ITGB6: variants seen among roughly 807,000 people sequenced by gnomAD.
ITGB6 encodes integrin subunit beta 6.
In ITGB6, 80 loss-of-function variants were observed where a neutral mutation model predicts 84.5. That is an observed-to-expected ratio of 0.95 (90% CI 0.79 to 1.14). The LOEUF is 1.14. ITGB6 is among the 50% of genes most tolerant of loss of function. The probability of loss-of-function intolerance (pLI) is 0.00; values close to 1 mark genes in which losing one functional copy is unlikely to be tolerated. For synonymous variants in ITGB6, 383 were observed against 354.9 expected (o/e 1.08, Z -0.89); for missense variants, 1,006 against 968.0 (o/e 1.04, Z -0.52).
At position 160,196,247 on chromosome 2, in the gene ITGB6, C is replaced by G; in HGVS notation, c.315G>C (p.Ala105=). 6.2e-7 allele frequency: 1 copy of G among 1,613,930 alleles called. No individual in the cohort carries two copies. The highest frequency in any genetic ancestry group is 8.5e-7 in the Non-Finnish European group (1 of 1,179,930). ...TCAACTTAAGGATCAAGCTTTGAGG[C>G]GCAATCTGAACAATGTCAGAACTAT... ...QKNSSDIVQI[A]PQSLILKLRP... is the part of the protein sequence containing the mutation. Residue 105 remains alanine, a synonymous_variant, in exon 3 of 15, where the codon GCG becomes GCC. Transcript: ENST00000283249.
rs1696692069 is a variant in ITGB6 at position 160,100,912 on chromosome 2, A to G, written c.*824T>C. On this transcript the variant is annotated 3_prime_UTR_variant, in exon 15 of 15. Transcript: ENST00000283249. ...TTTTTTAAAAAGAAACTTTGGTATG[A>G]CAATTACAGGGTTTAAAAGACTGTG... 6.6e-6 allele frequency: 1 copy of G among 152,208 alleles called. No homozygotes were observed. The highest frequency in any genetic ancestry group is 1.5e-5 in the Non-Finnish European group (1 of 68,022). The allele number at this position is 152,208 out of a possible 1,614,324, so 9.4% of individuals were successfully genotyped here.
chr2:160,174,565 C>CT (rs59803057), intron 4 of ITGB6, among the ~76,000 whole-genome samples: 23,042 of 152,136 alleles, frequency 0.15, 2,300 homozygotes, highest in East Asian at 0.32. Context: ...AACCTGTCTT[C>CT]TTTTTCCTTT....
chr2:160,115,413 G>A (rs1682723350), intron 12 of ITGB6, among the ~76,000 whole-genome samples: 1 of 152,212 alleles, frequency 6.6e-6, no homozygotes. Context: ...GTCTGGAGTG[G>A]ACCTCTAGCA....
At chr2:160,184,091 A>C (rs1156968651) in intron 4 of ITGB6, among the ~76,000 whole-genome samples, 1 of 152,164 alleles carries the variant, frequency 6.6e-6, no homozygotes, top group Non-Finnish European at 1.5e-5. Flanking sequence ...GGAGCAAACA[A>C]ATTCCAAAGC....
At chr2:160,133,909 T>G (rs1173285688) in intron 10 of ITGB6, among the ~76,000 whole-genome samples, 1 of 150,738 alleles carries the variant, frequency 6.6e-6, no homozygotes, top group Non-Finnish European at 1.5e-5. Flanking sequence ...CAAAGCAGTG[T>G]GTAGAGGGAA....
intron 8 of ITGB6, among the ~76,000 whole-genome samples, 191 bp from the exon 9 acceptor site, chr2:160,138,390 C>A (rs769628432): frequency 6.6e-6 from 1 of 152,138 alleles, no homozygotes; most frequent in African/African-American, 2.4e-5. Flanking sequence ...ATTATCAAAT[C>A]TAAGGTGCCA....
At chr2:160,170,975 G>A (rs1685177409) in intron 6 of ITGB6, among the ~76,000 whole-genome samples, 1 of 152,054 alleles carries the variant, frequency 6.6e-6, no homozygotes, top group Non-Finnish European at 1.5e-5. Context: ...GACAACATGC[G>A]GCTATCCTCA....
At chr2:160,179,584 G>C (rs1468226398) in intron 4 of ITGB6, among the ~76,000 whole-genome samples, 1 of 149,488 alleles carries the variant, frequency 6.7e-6, no homozygotes, top group Non-Finnish European at 1.5e-5. Flanking sequence ...GTTGAGACAG[G>C]GTTTCACCGT....
intron 10 of ITGB6, 111 bp from the exon 11 acceptor site, chr2:160,126,712 A>C (rs935264979): frequency 9.9e-7 from 1 of 1,009,350 alleles, no homozygotes; most frequent in African/African-American, 1.6e-5. Context: ...AAAAGACAAG[A>C]AAAAAATGAG....
rs1277813454 is a variant in ITGB6 at position 160,174,061 on chromosome 2, A to G, written c.672T>C (p.Asn224=). The G allele has an allele frequency of 2.5e-6, 4 of 1,613,188 alleles. No homozygotes were observed. The highest frequency in any genetic ancestry group is 2.5e-6 in the Non-Finnish European group (3 of 1,179,686). The change falls in exon 5 of 15, where the codon AAT becomes AAC. Residue 224 remains asparagine, a synonymous_variant. Transcript: ENST00000283249. ...AAATTTTCTGATTCTTCACAATTTCATTGAATCTTTCAGCATCATTTGTCA... is the reference window on the plus strand; with the variant it reads ...AAATTTTCTGATTCTTCACAATTTCGTTGAATCTTTCAGCATCATTTGTCA... ...LPLTNDAERF[N]EIVKNQKISA... is the part of the protein sequence containing the mutation.
In ITGB6 at chr2:160,141,986, T is replaced by C. The variant is rs1335141872; in HGVS notation, c.1103A>G (p.Tyr368Cys). 6.3e-7 allele frequency: 1 copy of C among 1,587,374 alleles called. No homozygotes were observed. The highest frequency in any genetic ancestry group is 8.6e-7 in the Non-Finnish European group (1 of 1,159,206). ...GCCAGCTGTAAAATATCCTACTTCA[T>C]AAGCTGAGATGATCAGCTGGAGAAT... The part of the protein sequence containing the change: ...GNILQLIISA[Y>C]EELRSEVELE... Residue 368 changes from tyrosine to cysteine, a missense_variant, in exon 8 of 15, where the codon TAT becomes TGT. Transcript: ENST00000283249.
intron 12 of ITGB6, among the ~76,000 whole-genome samples, chr2:160,120,505 T>C (rs1574050758): frequency 5.2e-5 from 1 of 19,316 alleles, no homozygotes; most frequent in Non-Finnish European, 9.5e-5. Context: ...TATCACACTC[T>C]GGGGACTGTG....
intron 2 of ITGB6, 90 bp downstream of exon 2, chr2:160,199,089 G>A (rs1339764395): frequency 9.5e-7 from 1 of 1,049,688 alleles, no homozygotes; most frequent in East Asian, 2.4e-5. Context: ...CCACAAAAAA[G>A]CAAGTCACTA....
At chr2:160,180,488 T>C (rs1685622023) in intron 4 of ITGB6, among the ~76,000 whole-genome samples, 1 of 152,210 alleles carries the variant, frequency 6.6e-6, no homozygotes, top group Non-Finnish European at 1.5e-5. Context: ...TAGAGGTACC[T>C]GTGTGGGTTT....
chr2:160,153,553 A>G (rs1334858324), intron 7 of ITGB6, among the ~76,000 whole-genome samples: 6 of 152,232 alleles, frequency 3.9e-5, no homozygotes, highest in African/African-American at 1.4e-4. Flanking sequence ...CTAAAACACC[A>G]AAAGCAATGG....
At chr2:160,107,253 G>T in intron 14 of ITGB6, among the ~76,000 whole-genome samples, 1 of 151,996 alleles carries the variant, frequency 6.6e-6, no homozygotes, top group East Asian at 1.9e-4. Context: ...CAAAGAAATT[G>T]GCATGAATTA....
intron 4 of ITGB6, among the ~76,000 whole-genome samples, chr2:160,192,747 A>G (rs1272763638): frequency 6.6e-6 from 1 of 152,122 alleles, no homozygotes; most frequent in African/African-American, 2.4e-5. Flanking sequence ...TATTTGACAA[A>G]AAACTTGTAT....
At chr2:160,153,977 C>T (rs536650061) in intron 7 of ITGB6, among the ~76,000 whole-genome samples, 28 of 152,150 alleles carry the variant, frequency 1.8e-4, no homozygotes, top group African/African-American at 4.6e-4. Context: ...ACTTTTACAC[C>T]GTTGGTGGGA....
intron 14 of ITGB6, among the ~76,000 whole-genome samples, chr2:160,105,905 A>G (rs1303733907): frequency 6.6e-6 from 1 of 152,200 alleles, no homozygotes; most frequent in Non-Finnish European, 1.5e-5. Flanking sequence ...TCTCCTGAGG[A>G]ATTTTGCTTA....
Sources: gnomAD v4.1 joint callset for allele counts (sites outside exome capture counted in the v4.1 genomes callset) on GRCh38, gnomAD v4.1.1 for gene constraint, MANE v1.5 for transcripts, NCBI Gene and HGNC (gene_info 2026-07-23, HGNC 2026-07-21) for gene names.